Variants in PRAM1 observed in about 807,000 individuals in gnomAD.
PRAM1 encodes PML-RARA-regulated adapter molecule 1.
In PRAM1, 41 loss-of-function variants were observed where a neutral mutation model predicts 55.3. The ratio of observed to expected loss-of-function variants is 0.74; its 90% CI spans 0.58 to 0.96. The LOEUF (loss-of-function observed/expected upper bound fraction) is 0.96, where lower values mean the gene tolerates loss of function less well. Among genes scored for constraint, PRAM1 ranks in the 40% least tolerant of loss-of-function variants. The pLI is 0.00. For synonymous variants in PRAM1, 401 were observed against 387.1 expected, an observed-to-expected ratio of 1.04 and a Z score of -0.42; for missense variants, 898 against 892.7, an observed-to-expected ratio of 1.01 and a Z score of -0.08.
At position 8,498,385 on chromosome 19, in the gene PRAM1, C is replaced by A; in HGVS notation, c.1423G>T (p.Ala475Ser). The A allele has an allele frequency of 6.3e-7, 1 of 1,579,330 alleles. No homozygotes were observed. Among genetic ancestry groups the A allele is most frequent in the Non-Finnish European group, 8.6e-7 (1 of 1,161,664 alleles). The change falls in exon 2 of 10, where the codon GCA becomes TCA. Residue 475 changes from alanine (A) to serine (S), a missense_variant. Ala to Ser is a moderately conservative substitution (Grantham distance 99, BLOSUM62 1). Coordinates refer to ENST00000423345, the MANE Select transcript of PRAM1 (RefSeq NM_032152.5). Reference sequence around the variant, plus strand: ...GCCCGCCCTCACCCACCTATGGATGCTGCAGAGGGTCTCCGAAAGCTCTGC... The same window carrying A: ...GCCCGCCCTCACCCACCTATGGATGATGCAGAGGGTCTCCGAAAGCTCTGC... Reference protein sequence around the residue: ...DMQSFRRPSAASIDLRRTRSA... With the variant: ...DMQSFRRPSASSIDLRRTRSA...
rs536588774 is a variant in PRAM1 at position 8,497,726 on chromosome 19, G to T, written c.1576+38C>A. ...GCATGGCAGAAAATGGCCTTGCCCC[G>T]AATGTTTTGCAGGGACTCGGGCAGG... On this transcript the variant is annotated intron_variant, in intron 4 of 9. Transcript: ENST00000423345. 3 of 1,557,646 alleles carry T rather than the reference G, an allele frequency of 1.9e-6. No homozygotes were observed. In the East Asian group the frequency reaches 6.7e-5, roughly 35 times the overall value.
intron 4 of PRAM1, among the ~76,000 whole-genome samples, chr19:8,492,985 G>A (rs116432219): frequency 0.021 from 3,224 of 152,174 alleles, 124 homozygotes; most frequent in African/African-American, 0.073. Context: ...CGACAGACCA[G>A]GACCCTGTCT....
intron 1 of PRAM1, among the ~76,000 whole-genome samples, chr19:8,501,248 C>A (rs953658695): frequency 6.6e-6 from 1 of 151,540 alleles, no homozygotes; most frequent in African/African-American, 2.4e-5. Context: ...TCTGCCACGA[C>A]GCCTGGCTAA....
At chr19:8,500,647 C>T (rs867568796) in intron 1 of PRAM1, among the ~76,000 whole-genome samples, 2 of 152,194 alleles carry the variant, frequency 1.3e-5, no homozygotes, top group African/African-American at 2.4e-5. Context: ...GACCTCGGGG[C>T]CTCTGCCCTG....
chr19:8,496,922 A>G (rs967105165), intron 4 of PRAM1, among the ~76,000 whole-genome samples: 11 of 152,068 alleles, frequency 7.2e-5, no homozygotes, highest in Non-Finnish European at 1.0e-4. Flanking sequence ...GCTACTGGGG[A>G]GGCTGAGGCA....
At position 8,492,233 on chromosome 19, in the gene PRAM1, C is replaced by T. The variant is rs554981323; in HGVS notation, c.1577-1076G>A. On this transcript the variant is annotated intron_variant, in intron 4 of 9. Coordinates refer to ENST00000423345, the MANE Select transcript of PRAM1 (RefSeq NM_032152.5). ...TATAGGCGTGAGCCACCGTGCCTAGCCGTTTTTTTTTTTGTTTCTTTTGTT... is the reference window on the plus strand; with the variant it reads ...TATAGGCGTGAGCCACCGTGCCTAGTCGTTTTTTTTTTTGTTTCTTTTGTT... Among the ~76,000 whole-genome samples, 273 of 91,960 alleles carry T rather than the reference C, an allele frequency of 3.0e-3. 1 individual carries two copies. The highest frequency in any genetic ancestry group is 0.019 in the Middle Eastern group (3 of 160). The allele number at this position is 91,960 out of a possible 152,430, so 60.3% of individuals were successfully genotyped here.
intron 1 of PRAM1, among the ~76,000 whole-genome samples, chr19:8,500,999 C>A (rs1205880424): frequency 6.6e-6 from 1 of 152,004 alleles, no homozygotes; most frequent in African/African-American, 2.4e-5. Flanking sequence ...CTCACGACCT[C>A]AGGTGATCCA....
chr19:8,499,369 C>G lies in PRAM1; in HGVS notation c.439G>C (p.Glu147Gln). ...GCCTTCAAAGGGGCCTCACCGACCT[C>G]AGGCTGCAGGGGCTTCCTTGGAAAC... is the stretch of plus-strand genomic sequence containing the variant. ...TPFPRKPLQP[E>Q]VGEAPLKASL... The change falls in exon 2 of 10, where the codon GAG becomes CAG. Residue 147 changes from glutamate to glutamine, a missense_variant. Coordinates refer to ENST00000423345, the MANE Select transcript of PRAM1 (RefSeq NM_032152.5). 1 of 1,613,028 alleles carries G rather than the reference C, an allele frequency of 6.2e-7. No homozygotes were observed. The highest frequency in any genetic ancestry group is 8.5e-7 in the Non-Finnish European group (1 of 1,179,784).
At position 8,499,018 on chromosome 19, in the gene PRAM1, G is replaced by A. The variant is rs564707710; in HGVS notation, c.790C>T (p.Arg264Cys). 6.2e-7 allele frequency: 1 copy of A among 1,613,820 alleles called. No homozygotes were observed. The highest frequency in any genetic ancestry group is 8.5e-7 in the Non-Finnish European group (1 of 1,179,866). Residue 264 changes from arginine (R) to cysteine (C), a missense_variant, in exon 2 of 10, where the codon CGC (arginine) becomes TGC (cysteine). Transcript: ENST00000423345. ...LWKPQSSEPKRDSSAFPKKAS... is the reference protein window; with the variant it reads ...LWKPQSSEPKCDSSAFPKKAS... ...TTTTTGGGAAAGGCGCTGGAGTCGC[G>A]CTTCGGCTCGCTGGACTGAGGCTTC...
At position 8,498,274 on chromosome 19, in the gene PRAM1, C is replaced by A. The variant is rs1245130996; in HGVS notation, c.1448G>T (p.Arg483Leu). Residue 483 changes from arginine (R) to leucine (L), a missense_variant, in exon 3 of 10, where the codon CGC (arginine) becomes CTC (leucine). Physicochemically the swap from Arg to Leu is moderately radical, Grantham distance 102. Coordinates refer to ENST00000423345, the MANE Select transcript of PRAM1 (RefSeq NM_032152.5). ...SAASIDLRRT[R>L]SAAGLHFQDR... ...CTGGAAGTGGAGCCCAGCGGCCGAG[C>A]GGGTCCTCCGTAGATCTGTGGGGTA... The A allele has an allele frequency of 1.9e-6, 3 of 1,612,052 alleles. No individual in the cohort carries two copies. The highest frequency in any genetic ancestry group is 2.5e-6 in the Non-Finnish European group (3 of 1,179,446).
In PRAM1 at chr19:8,490,440, C is replaced by T. The variant is rs1171885242; in HGVS notation, c.1940+36G>A. On this transcript the variant is annotated intron_variant, in intron 8 of 9. Coordinates refer to ENST00000423345, the MANE Select transcript of PRAM1 (RefSeq NM_032152.5). This position sits in a 1 kb window ranked among gnomAD's most constrained non-coding sequence, Gnocchi z 7.3. ...TTCCCCCCACCCTGCACCACACACC[C>T]CGCACTCCCCCACCACGGTCAGGGC... The T allele has an allele frequency of 1.2e-6, 2 of 1,613,404 alleles. No homozygotes were observed. Among genetic ancestry groups the T allele is most frequent in the Non-Finnish European group, 1.7e-6 (2 of 1,179,728 alleles).
intron 4 of PRAM1, among the ~76,000 whole-genome samples, chr19:8,494,434 C>G (rs1285728771): frequency 6.6e-6 from 1 of 152,152 alleles, no homozygotes; most frequent in Non-Finnish European, 1.5e-5. Context: ...TTGCAAGAAG[C>G]TCAGGGAGAA....
intron 1 of PRAM1, 34 bp from the exon 2 acceptor site, chr19:8,499,814 A>C: frequency 1.3e-6 from 2 of 1,525,290 alleles, no homozygotes; most frequent in African/African-American, 2.7e-5. Context: ...GCAGGGGCTC[A>C]AACACACAGA....
At position 8,490,688 on chromosome 19, in the gene PRAM1, A is replaced by G; in HGVS notation, c.1812T>C (p.Gly604=). Residue 604 remains glycine, a synonymous_variant, in exon 7 of 10, where the codon GGT becomes GGC. Coordinates refer to ENST00000423345, the MANE Select transcript of PRAM1 (RefSeq NM_032152.5). The surrounding 1 kb of genome is among the most constrained non-coding windows in gnomAD (Gnocchi z 7.3). ...CGCGCCGGATCCCGAGGTGCTTGCC[A>G]CCCCCGCGACGTGTCTTAGCGTTGG... is the stretch of plus-strand genomic sequence containing the variant. ...IDPNAKTRRG[G]GKHLGIRRGE... is the part of the protein sequence containing the mutation. 6.2e-7 allele frequency: 1 copy of G among 1,605,264 alleles called. No individual in the cohort carries two copies. The highest frequency in any genetic ancestry group is 2.3e-5 in the East Asian group (1 of 44,428).
intron 4 of PRAM1, among the ~76,000 whole-genome samples, chr19:8,494,955 A>G (rs1971678324): frequency 9.3e-6 from 1 of 107,186 alleles, no homozygotes. Context: ...TTCAACTGAG[A>G]CAGACACAGA....
chr19:8,496,787 C>T (rs1193126880), intron 4 of PRAM1, among the ~76,000 whole-genome samples: 1 of 151,994 alleles, frequency 6.6e-6, no homozygotes, highest in Non-Finnish European at 1.5e-5. Flanking sequence ...CCTGTAATCC[C>T]AGCACTTTGG....
At position 8,498,866 on chromosome 19, in the gene PRAM1, G is replaced by A. The variant is rs1410874783; in HGVS notation, c.942C>T (p.Phe314=). Residue 314 remains phenylalanine, a synonymous_variant, in exon 2 of 10, where the codon TTC becomes TTT. Transcript: ENST00000423345. ...VLPKRPRPAE[F]KALSKKPPQP... The stretch of plus-strand genomic sequence containing the variant: ...GCGGGGGCTTCTTGGAGAGCGCTTT[G>A]AATTCGGCCGGCCGCGGCCTCTTGG... 3.1e-6 allele frequency: 5 copies of A among 1,611,124 alleles called. No homozygotes were observed. The highest frequency in any genetic ancestry group is 4.2e-6 in the Non-Finnish European group (5 of 1,178,818).
In PRAM1 at chr19:8,499,727, C is replaced by T. The variant is rs117519808; in HGVS notation, c.81G>A (p.Pro27=). The T allele has an allele frequency of 6.0e-4, 968 of 1,613,520 alleles. 8 individuals carry two copies. The East Asian group carries it at 0.018, about 30-fold the overall frequency. ...GTTTTTTGGGCAGGTCGCTGGGCTC[C>T]GGCTGAGAGGCCTGGAACTTTGCTT... is the stretch of plus-strand genomic sequence containing the variant. The part of the protein sequence containing the change: ...SIKAKFQASQ[P]EPSDLPKKPP... Residue 27 remains proline (P), a synonymous_variant, in exon 2 of 10, where the codon CCG becomes CCA. Coordinates refer to ENST00000423345, the MANE Select transcript of PRAM1 (RefSeq NM_032152.5).
rs1971661500 is a variant in PRAM1, at chr19:8,493,812, T to C, written c.1577-2655A>G. On this transcript the variant is annotated intron_variant, in intron 4 of 9. Coordinates refer to ENST00000423345, the MANE Select transcript of PRAM1 (RefSeq NM_032152.5). The surrounding 1 kb of genome is among the most constrained non-coding windows in gnomAD (Gnocchi z 4.1). ...TGGGACCTTTTTTTTTTTCTTTTTT[T>C]CTTGAGACAGGGTCTCGTTCTGTTG... 6.6e-6 allele frequency among the ~76,000 whole-genome samples: 1 copy of C among 152,004 alleles called. No homozygotes were observed. The highest frequency in any genetic ancestry group is 1.5e-5 in the Non-Finnish European group (1 of 67,972).
Sources: allele counts gnomAD v4.1 joint callset (sites outside exome capture counted in the v4.1 genomes callset), GRCh38; gene constraint gnomAD v4.1.1; non-coding constraint Gnocchi (gnomAD v3.1); transcripts MANE v1.5; gene names NCBI Gene and HGNC (gene_info 2026-07-23, HGNC 2026-07-21).